Variants in NHSL3 observed in about 807,000 individuals in gnomAD.
NHSL3 encodes NHS like 3, also known as NHS-like protein 3.
chr1:32,769,693 G>A, the NHSL3 span: 1 of 1,613,622 alleles, frequency 6.2e-7, no homozygotes. Flanking sequence ...CCGACCCCAT[G>A]ACTCATTTCC....
the NHSL3 span, among the ~76,000 whole-genome samples, chr1:32,760,921 G>T: frequency 0.15 from 23,349 of 152,072 alleles, 2,080 homozygotes; most frequent in Middle Eastern, 0.25. Flanking sequence ...GCCCACCTGC[G>T]GAGGTGGCCC....
At chr1:32,754,990 C>A in the NHSL3 span, among the ~76,000 whole-genome samples, 1 of 152,006 alleles carries the variant, frequency 6.6e-6, no homozygotes. Flanking sequence ...ATGCAGCCAC[C>A]GAGCTGGAAC....
chr1:32,752,950 CATATATATATATATAT>C, the NHSL3 span, among the ~76,000 whole-genome samples: 2 of 42,760 alleles, frequency 4.7e-5, no homozygotes, highest in Admixed American at 2.5e-4. Context: ...CACACACACA[CATATATATATATATAT>C]ATTTTGGTTT....
At chr1:32,755,245 T>C in the NHSL3 span, among the ~76,000 whole-genome samples, 1 of 152,308 alleles carries the variant, frequency 6.6e-6, no homozygotes, top group Middle Eastern at 3.4e-3. Context: ...CTCCCCAAGA[T>C]AGAGGGTCTT....
the NHSL3 span, among the ~76,000 whole-genome samples, chr1:32,744,052 C>T: frequency 5.3e-5 from 8 of 152,172 alleles, no homozygotes; most frequent in East Asian, 1.9e-4. Flanking sequence ...CCACTGGCAA[C>T]GCTGGCCAGG....
At chr1:32,760,159 G>A in the NHSL3 span, among the ~76,000 whole-genome samples, 2 of 152,186 alleles carry the variant, frequency 1.3e-5, no homozygotes, top group Non-Finnish European at 2.9e-5. Context: ...GGCTGGCCAG[G>A]GACAGTTCAG....
At chr1:32,770,468 C>T in the NHSL3 span, 1 of 1,596,690 alleles carries the variant, frequency 6.3e-7, no homozygotes, top group East Asian at 2.2e-5. The surrounding 1 kb of genome is among the most constrained non-coding windows in gnomAD (Gnocchi z 8.3). Context: ...TCTGACGGTT[C>T]CACCCTCTCC....
At chr1:32,769,683 C>G in the NHSL3 span, 1 of 1,612,460 alleles carries the variant, frequency 6.2e-7, no homozygotes, top group Non-Finnish European at 8.5e-7. Context: ...GCTCCACCTT[C>G]CGACCCCATG....
At chr1:32,772,141 TCCCCTGAGA>T in the NHSL3 span, 1 of 1,613,288 alleles carries the variant, frequency 6.2e-7, no homozygotes, top group Admixed American at 1.7e-5. Flanking sequence ...GCGGCCCGTG[TCCCCTGAGA>T]CCCAGGCTGA....
At chr1:32,768,185 G>A in the NHSL3 span, 3 of 1,075,632 alleles carry the variant, frequency 2.8e-6, no homozygotes, top group African/African-American at 1.6e-5. Flanking sequence ...GGATGTCTTG[G>A]AACATTTCTG....
At chr1:32,771,183 C>T in the NHSL3 span, 8 of 1,611,542 alleles carry the variant, frequency 5.0e-6, no homozygotes, top group Non-Finnish European at 5.9e-6. Flanking sequence ...AGGTGCCTGC[C>T]CCCTTCTCCC....
At chr1:32,757,368 G>C in the NHSL3 span, among the ~76,000 whole-genome samples, 1 of 152,076 alleles carries the variant, frequency 6.6e-6, no homozygotes, top group Non-Finnish European at 1.5e-5. Flanking sequence ...TTGAGGGGTG[G>C]GGTGGTGAGA....
chr1:32,765,577 C>T, the NHSL3 span: 75 of 1,464,470 alleles, frequency 5.1e-5, no homozygotes, highest in South Asian at 7.8e-4. Context: ...GGCAGATGGG[C>T]GGGATCAGTG....
At chr1:32,768,659 G>A in the NHSL3 span, 51 of 1,613,998 alleles carry the variant, frequency 3.2e-5, no homozygotes, top group Non-Finnish European at 4.0e-5. Context: ...TAGTCCTCCC[G>A]GACGGGGCCG....
the NHSL3 span, chr1:32,771,956 C>G: frequency 6.2e-7 from 1 of 1,605,258 alleles, no homozygotes; most frequent in Non-Finnish European, 8.5e-7. Context: ...GTGCCTGCCC[C>G]CTCCTCAGGG....
the NHSL3 span, chr1:32,774,662 G>A: frequency 6.6e-6 from 1 of 152,472 alleles, no homozygotes; most frequent in African/African-American, 2.4e-5. Flanking sequence ...TATCCTGTTA[G>A]GATCTTCTGA....
At chr1:32,769,920 TC>T in the NHSL3 span, 1 of 1,608,058 alleles carries the variant, frequency 6.2e-7, no homozygotes, top group Admixed American at 1.7e-5. Context: ...CGCCCCGGGC[TC>T]CTGGTGCACG....
the NHSL3 span, among the ~76,000 whole-genome samples, chr1:32,760,350 A>G: frequency 2.0e-5 from 3 of 151,956 alleles, no homozygotes; most frequent in Non-Finnish European, 4.4e-5. Flanking sequence ...GCCTCACCCC[A>G]TGGAGGATGT....
At chr1:32,769,340 A>T in the NHSL3 span, among the ~76,000 whole-genome samples, 5 of 152,304 alleles carry the variant, frequency 3.3e-5, no homozygotes, top group South Asian at 6.2e-4. Context: ...ACCTTGGGAA[A>T]ACCCTTAACC....
Sources: gnomAD v4.1 joint callset for allele counts (sites outside exome capture counted in the v4.1 genomes callset) on GRCh38, gnomAD v4.1.1 for gene constraint, Gnocchi (gnomAD v3.1) non-coding constraint, MANE v1.5 for transcripts, NCBI Gene and HGNC (gene_info 2026-07-23, HGNC 2026-07-21) for gene names.